RLIM: variants seen among roughly 807,000 people sequenced by gnomAD.
RLIM encodes E3 ubiquitin-protein ligase RLIM.
Under a neutral mutation model 34.0 loss-of-function variants are expected in RLIM, and 2 were observed. That is an observed-to-expected ratio of 0.06 (90% CI 0.02 to 0.19). RLIM has a LOEUF of 0.19. Ranked by LOEUF, RLIM falls within the 10% of genes least tolerant of loss-of-function variation. The pLI is 1.00. For synonymous variants in RLIM, 169 were observed against 164.0 expected, an observed-to-expected ratio of 1.03 and a Z score of -0.23; for missense variants, 286 against 479.7, an observed-to-expected ratio of 0.60 and a Z score of 3.77.
At position 74,585,097 on chromosome X, in the gene RLIM, C is replaced by CA. The variant is rs1308685510; in HGVS notation, c.*6342dup. ...GAAATGGAAGACAGAAGTACAAGCA[C>CA]ACGTGCACACCTACAAGTTTTTGTA... On this transcript the variant is annotated 3_prime_UTR_variant, in exon 4 of 4. Coordinates refer to ENST00000332687, the MANE Select transcript of RLIM (RefSeq NM_016120.4). The CA allele has an allele frequency of 8.9e-6, 1 of 111,960 alleles. No homozygotes were observed. Among genetic ancestry groups the CA allele is most frequent in the East Asian group, 2.8e-4 (1 of 3,585 alleles). The allele number at this position is 111,960 out of a possible 1,213,427, so 9.2% of individuals were successfully genotyped here. A position where few individuals can be genotyped will look rare whatever the true frequency, so the allele number is the denominator to read the frequency against.
chrX:74,608,989 T>C (rs888050321), intron 1 of RLIM, among the ~76,000 whole-genome samples: 1 of 111,580 alleles, frequency 9.0e-6, no homozygotes, highest in African/African-American at 3.3e-5. Context: ...ATAAACTCGT[T>C]TTGACTTGCT....
chrX:74,598,582 T>A (rs1231946708), intron 1 of RLIM, among the ~76,000 whole-genome samples: 1 of 110,414 alleles, frequency 9.1e-6, no homozygotes, highest in African/African-American at 3.3e-5. Context: ...ATAGAGACCA[T>A]CCTGGCTAAC....
Position 74,586,729 on chromosome X carries a change from C to A in RLIM, c.*4711G>T, listed in dbSNP as rs910430213. Reference sequence around the variant, plus strand: ...AATTCTTAATTTCATAATCCTAAAACTTTTTCTAAAAATTTTTGCAGGGCA... The same window carrying A: ...AATTCTTAATTTCATAATCCTAAAAATTTTTCTAAAAATTTTTGCAGGGCA... On this transcript the variant is annotated 3_prime_UTR_variant, in exon 4 of 4. Coordinates refer to ENST00000332687, the MANE Select transcript of RLIM (RefSeq NM_016120.4). 5.3e-5 allele frequency: 6 copies of A among 112,565 alleles called. No homozygotes were observed. Among genetic ancestry groups the A allele is most frequent in the Non-Finnish European group, 1.1e-4 (6 of 53,329 alleles). The allele number at this position is 112,565 out of a possible 1,213,427, so 9.3% of individuals were successfully genotyped here. A position where few individuals can be genotyped will look rare whatever the true frequency, so the allele number is the denominator to read the frequency against.
chrX:74,594,009 A>G (rs765534365), intron 3 of RLIM, among the ~76,000 whole-genome samples: 1 of 112,341 alleles, frequency 8.9e-6, no homozygotes, highest in African/African-American at 3.2e-5. Flanking sequence ...GTTTATAAAG[A>G]AGGAATTAAG....
At position 74,613,524 on chromosome X, in the gene RLIM, TA is replaced by T. The variant is rs1175627642; in HGVS notation, c.-24+897del. ...TCCTCCATCTTGAAATTAATCAGCATAAGGGAAAAAGGGACCGAGTATTCAG... is the reference window on the plus strand; with the variant it reads ...TCCTCCATCTTGAAATTAATCAGCATAGGGAAAAAGGGACCGAGTATTCAG... On this transcript the variant is annotated intron_variant, in intron 1 of 3. Transcript: ENST00000332687. Among the ~76,000 whole-genome samples, 4 of 109,353 alleles carry T rather than the reference TA, an allele frequency of 3.7e-5. No individual in the cohort carries two copies. In the East Asian group the frequency reaches 1.2e-3, roughly 32 times the overall value. 95.0% of individuals were successfully genotyped at this position (109,353 alleles called of 115,157 possible). A position where few individuals can be genotyped will look rare whatever the true frequency, so the allele number is the denominator to read the frequency against.
rs749136621 is a variant in RLIM, at chrX:74,592,493, T to C, written c.822A>G (p.Gln274=). The C allele has an allele frequency of 1.7e-6, 2 of 1,210,268 alleles. 1 individual carries two copies. Among genetic ancestry groups the C allele is most frequent in the South Asian group, 3.5e-5 (2 of 56,851 alleles). The change falls in exon 4 of 4, where the codon CAA becomes CAG. Residue 274 remains glutamine (Q), a synonymous_variant. Coordinates refer to ENST00000332687, the MANE Select transcript of RLIM (RefSeq NM_016120.4). ...RTRHHVTLRQ[Q]ISGPELLSRG... The stretch of plus-strand genomic sequence containing the variant: ...TACTTAGCAACTCAGGCCCAGATAT[T>C]TGCTGCCTCAATGTCACATGGTGCC...
intron 1 of RLIM, among the ~76,000 whole-genome samples, chrX:74,607,558 A>G (rs1018038193): frequency 8.9e-6 from 1 of 112,581 alleles, no homozygotes; most frequent in Non-Finnish European, 1.9e-5. Context: ...AAAATACAAA[A>G]ATTTGCCAGG....
In RLIM at chrX:74,587,549, C is replaced by T. The variant is rs967033334; in HGVS notation, c.*3891G>A. ...AAAGGGGAAGAATAAAAACATTCTC[C>T]ATCTTTAAAAGAAAAAATATTAACA... On this transcript the variant is annotated 3_prime_UTR_variant, in exon 4 of 4. Coordinates refer to ENST00000332687, the MANE Select transcript of RLIM (RefSeq NM_016120.4). The T allele has an allele frequency of 1.8e-5, 2 of 111,411 alleles. No homozygotes were observed. Among genetic ancestry groups the T allele is most frequent in the African/African-American group, 6.5e-5 (2 of 30,659 alleles). The allele number at this position is 111,411 out of a possible 1,213,427, so 9.2% of individuals were successfully genotyped here. A position where few individuals can be genotyped will look rare whatever the true frequency, so the allele number is the denominator to read the frequency against.
intron 1 of RLIM, among the ~76,000 whole-genome samples, chrX:74,596,334 C>G (rs55663013): frequency 0.055 from 6,120 of 112,085 alleles, 222 homozygotes; most frequent in African/African-American, 0.13. Flanking sequence ...CAACCTCCAC[C>G]TCCTGGGTTC....
chrX:74,592,121 T>G lies in RLIM; in HGVS notation c.1194A>C (p.Thr398=), dbSNP rs142082056. The change falls in exon 4 of 4, where the codon ACA becomes ACC. Residue 398 remains threonine, a synonymous_variant. Transcript: ENST00000332687. ...TTAACATGGTCTGAATTGCAACAGATGTAGTCTCACTTAAACCAGTATTTA... is the reference window on the plus strand; with the variant it reads ...TTAACATGGTCTGAATTGCAACAGAGGTAGTCTCACTTAAACCAGTATTTA... ...RILNTGLSET[T]SVAIQTMLRQ... 4.1e-6 allele frequency: 5 copies of G among 1,210,387 alleles called. No individual in the cohort carries two copies. Among genetic ancestry groups the G allele is most frequent in the Non-Finnish European group, 5.6e-6 (5 of 895,338 alleles).
At chrX:74,605,540 G>C (rs1206095975) in intron 1 of RLIM, among the ~76,000 whole-genome samples, 1 of 111,904 alleles carries the variant, frequency 8.9e-6, no homozygotes, top group African/African-American at 3.2e-5. Context: ...AGGAAAAAGA[G>C]AATCCTTATA....
rs1361705666 is a variant in RLIM, at chrX:74,585,740, G to C, written c.*5700C>G. The C allele has an allele frequency of 8.9e-6, 1 of 111,748 alleles. No homozygotes were observed. Among genetic ancestry groups the C allele is most frequent in the African/African-American group, 3.2e-5 (1 of 30,784 alleles). The allele number at this position is 111,748 out of a possible 1,213,427, so 9.2% of individuals were successfully genotyped here. The stretch of plus-strand genomic sequence containing the variant: ...TTCCCAACCAGGAGTCTGCTGGATA[G>C]GTATCGGAGAAGGGTGTTATGTTCA... On this transcript the variant is annotated 3_prime_UTR_variant, in exon 4 of 4. Transcript: ENST00000332687.
At chrX:74,613,694 A>G in intron 1 of RLIM, among the ~76,000 whole-genome samples, 1 of 107,202 alleles carries the variant, frequency 9.3e-6, no homozygotes, top group Middle Eastern at 4.7e-3. Context: ...TTAAACACAA[A>G]TTAACTTGAA....
In RLIM at chrX:74,588,452, C is replaced by G. The variant is rs1236001730; in HGVS notation, c.*2988G>C. ...CTCCATTGCACTTCATCCTGGGCAA[C>G]CAAGTAAGACTCTGTCTCAAAAAAA... On this transcript the variant is annotated 3_prime_UTR_variant, in exon 4 of 4. Transcript: ENST00000332687. The G allele has an allele frequency of 9.0e-6, 1 of 111,496 alleles. No homozygotes were observed. Among genetic ancestry groups the G allele is most frequent in the East Asian group, 2.8e-4 (1 of 3,560 alleles). 9.2% of individuals were successfully genotyped at this position (111,496 alleles called of 1,213,427 possible).
At chrX:74,605,577 G>T (rs182978620) in intron 1 of RLIM, among the ~76,000 whole-genome samples, 4 of 111,929 alleles carry the variant, frequency 3.6e-5, no homozygotes, top group Non-Finnish European at 7.5e-5. Context: ...CAACATCATC[G>T]TAAAAGAGAA....
rs1454383362 is a variant in RLIM at position 74,585,440 on chromosome X, A to C, written c.*6000T>G. The C allele has an allele frequency of 3.6e-5, 4 of 111,893 alleles. No homozygotes were observed. The highest frequency in any genetic ancestry group is 7.5e-5 in the Non-Finnish European group (4 of 53,215). The allele number at this position is 111,893 out of a possible 1,213,427, so 9.2% of individuals were successfully genotyped here. On this transcript the variant is annotated 3_prime_UTR_variant, in exon 4 of 4. Transcript: ENST00000332687. Reference sequence around the variant, plus strand: ...TTTGAAGCAACAGAACCTTTATAGCAGATTCCCCTTTTTAAAGAAAAACCC... The same window carrying C: ...TTTGAAGCAACAGAACCTTTATAGCCGATTCCCCTTTTTAAAGAAAAACCC...
At position 74,586,200 on chromosome X, in the gene RLIM, T is replaced by C. The variant is rs2079586390; in HGVS notation, c.*5240A>G. 1 of 111,656 alleles carries C rather than the reference T, an allele frequency of 9.0e-6. No individual in the cohort carries two copies. The highest frequency in any genetic ancestry group is 3.7e-4 in the South Asian group (1 of 2,707). 9.2% of individuals were successfully genotyped at this position (111,656 alleles called of 1,213,427 possible). On this transcript the variant is annotated 3_prime_UTR_variant, in exon 4 of 4. Coordinates refer to ENST00000332687, the MANE Select transcript of RLIM (RefSeq NM_016120.4). ...CAAATGGAGCTATCAAGAGGTAAAATCCAAACACTGGACAGTTAAAACACA... is the reference window on the plus strand; with the variant it reads ...CAAATGGAGCTATCAAGAGGTAAAACCCAAACACTGGACAGTTAAAACACA...
intron 1 of RLIM, among the ~76,000 whole-genome samples, chrX:74,610,145 G>A (rs1000093109): frequency 7.1e-5 from 8 of 112,486 alleles, no homozygotes; most frequent in Non-Finnish European, 1.1e-4. Flanking sequence ...GGCCAGGCGC[G>A]GTGGCTCAGG....
At chrX:74,594,524 C>A in intron 2 of RLIM, 135 bp from the exon 3 acceptor site, 1 of 430,738 alleles carries the variant, frequency 2.3e-6, no homozygotes. Context: ...CTTTTTCAAA[C>A]CAAAAAGAAA....
Sources: gnomAD v4.1 joint callset for allele counts (sites outside exome capture counted in the v4.1 genomes callset) on GRCh38, gnomAD v4.1.1 for gene constraint, MANE v1.5 for transcripts, NCBI Gene and HGNC (gene_info 2026-07-23, HGNC 2026-07-21) for gene names.